Variants in LY96 observed in about 807,000 individuals in gnomAD.
LY96 encodes lymphocyte antigen 96, also known as myeloid differentiation protein-2.
Under a neutral mutation model 18.9 loss-of-function variants are expected in LY96, and 18 were observed. The ratio of observed to expected loss-of-function variants is 0.95; its 90% CI spans 0.66 to 1.41. The LOEUF (loss-of-function observed/expected upper bound fraction) is 1.41. Among genes scored for constraint, LY96 ranks in the 40% most tolerant of loss-of-function variants. LY96 has a pLI of 0.00. For synonymous variants in LY96, 66 were observed against 62.6 expected (o/e 1.06, Z -0.26); for missense variants, 175 against 182.4 (o/e 0.96, Z 0.23).
the LY96 span, among the ~76,000 whole-genome samples, chr8:74,049,351 T>C: frequency 2.6e-5 from 4 of 152,190 alleles, no homozygotes; most frequent in African/African-American, 7.2e-5. Context: ...TAAAAAGAAA[T>C]CACTGCTAAT....
At chr8:74,059,091 C>T in the LY96 span, among the ~76,000 whole-genome samples, 1 of 152,192 alleles carries the variant, frequency 6.6e-6, no homozygotes, top group Non-Finnish European at 1.5e-5. Flanking sequence ...CATCTTTACT[C>T]AGTCCACCAA....
At chr8:74,065,567 G>A in the LY96 span, among the ~76,000 whole-genome samples, 1 of 152,206 alleles carries the variant, frequency 6.6e-6, no homozygotes, top group African/African-American at 2.4e-5. Flanking sequence ...GGGCTTTGTA[G>A]TGAGGTTATT....
At chr8:74,069,631 A>G in the LY96 span, among the ~76,000 whole-genome samples, 1 of 152,108 alleles carries the variant, frequency 6.6e-6, no homozygotes, top group South Asian at 2.1e-4. Context: ...GAGACAGAGT[A>G]TTACTCAGTT....
At chr8:74,006,007 A>C (rs1292957226) in intron 2 of LY96, among the ~76,000 whole-genome samples, 1 of 152,204 alleles carries the variant, frequency 6.6e-6, no homozygotes, top group African/African-American at 2.4e-5. Context: ...AACAACAACA[A>C]AATCCCCAAA....
the LY96 span, among the ~76,000 whole-genome samples, chr8:74,085,584 T>C: frequency 6.6e-6 from 1 of 152,232 alleles, no homozygotes; most frequent in Admixed American, 6.5e-5. Flanking sequence ...GCCAGCTCCT[T>C]TCTGCTTTTC....
chr8:74,021,341 C>G (rs906187507), intron 3 of LY96, among the ~76,000 whole-genome samples: 1 of 152,182 alleles, frequency 6.6e-6, no homozygotes, highest in South Asian at 2.1e-4. Flanking sequence ...CACTGGTCAT[C>G]AGAGAAATGC....
the LY96 span, among the ~76,000 whole-genome samples, chr8:74,092,050 C>T: frequency 6.6e-6 from 1 of 152,160 alleles, no homozygotes; most frequent in Non-Finnish European, 1.5e-5. Context: ...TTCTATGATA[C>T]TGCTTTGCTT....
chr8:74,023,763 T>A (rs925531265), intron 3 of LY96, among the ~76,000 whole-genome samples: 1 of 152,146 alleles, frequency 6.6e-6, no homozygotes, highest in East Asian at 1.9e-4. Context: ...AATTATGTAA[T>A]CTCCGTGATT....
chr8:74,012,979 T>G (rs1319284356), intron 3 of LY96, among the ~76,000 whole-genome samples: 2 of 152,066 alleles, frequency 1.3e-5, no homozygotes, highest in African/African-American at 2.4e-5. Context: ...GACAAGATCT[T>G]ATCTTGTGGC....
chr8:74,081,051 T>TTCTTA, the LY96 span, among the ~76,000 whole-genome samples: 3 of 130,108 alleles, frequency 2.3e-5, no homozygotes, highest in African/African-American at 7.3e-5. Flanking sequence ...TCTTTCTTTT[T>TTCTTA]CTTTCTTTCT....
the LY96 span, among the ~76,000 whole-genome samples, chr8:74,051,579 G>A: frequency 6.6e-6 from 1 of 152,130 alleles, no homozygotes; most frequent in African/African-American, 2.4e-5. Flanking sequence ...AAATTCCTGT[G>A]TTGCAATCCT....
At chr8:74,027,366 T>G (rs1036161312) in intron 4 of LY96, among the ~76,000 whole-genome samples, 43 of 151,356 alleles carry the variant, frequency 2.8e-4, no homozygotes, top group Non-Finnish European at 5.6e-4. Context: ...TGGAGTGAAG[T>G]GTGTTCTGGA....
chr8:74,019,989 C>T (rs919735057), intron 3 of LY96, among the ~76,000 whole-genome samples: 5 of 152,180 alleles, frequency 3.3e-5, no homozygotes, highest in African/African-American at 9.7e-5. Context: ...AAACTGAAAG[C>T]ATTCCCTTTG....
intron 2 of LY96, among the ~76,000 whole-genome samples, chr8:74,008,348 C>T (rs956415459): frequency 6.6e-6 from 1 of 152,200 alleles, no homozygotes; most frequent in African/African-American, 2.4e-5. Flanking sequence ...GCTTCTGTGT[C>T]TCCAGGAATT....
At chr8:74,051,407 G>C in the LY96 span, among the ~76,000 whole-genome samples, 1 of 152,182 alleles carries the variant, frequency 6.6e-6, no homozygotes, top group Admixed American at 6.5e-5. Context: ...AAATTGTCCA[G>C]TGACTGCTCA....
At chr8:74,043,101 G>A in the LY96 span, among the ~76,000 whole-genome samples, 985 of 152,220 alleles carry the variant, frequency 6.5e-3, 8 homozygotes, top group African/African-American at 0.023. Context: ...AAGAAGAAAA[G>A]GCCCACAGGA....
intron 1 of LY96, among the ~76,000 whole-genome samples, chr8:73,997,079 A>G (rs1414912488): frequency 2.0e-5 from 3 of 151,470 alleles, no homozygotes; most frequent in Non-Finnish European, 1.5e-5. Flanking sequence ...CTGATCTTGA[A>G]CTCCTGATTT....
chr8:74,090,605 T>C, the LY96 span, among the ~76,000 whole-genome samples: 3 of 152,226 alleles, frequency 2.0e-5, no homozygotes, highest in Admixed American at 1.3e-4. Context: ...AGCCTGAATA[T>C]GCTTAAATGG....
the LY96 span, among the ~76,000 whole-genome samples, chr8:74,096,698 G>T: frequency 1.9e-4 from 29 of 152,120 alleles, no homozygotes; most frequent in Non-Finnish European, 3.2e-4. Flanking sequence ...TGGGGGCGGG[G>T]ACTCTGTCTG....
Sources: gnomAD v4.1 joint callset for allele counts (sites outside exome capture counted in the v4.1 genomes callset) on GRCh38, gnomAD v4.1.1 for gene constraint, MANE v1.5 for transcripts, NCBI Gene and HGNC (gene_info 2026-07-23, HGNC 2026-07-21) for gene names.